KSR2: variants seen among roughly 807,000 people sequenced by gnomAD.
KSR2 encodes the protein kinase suppressor of ras 2.
A neutral mutation model predicts 107.8 loss-of-function variants in KSR2; 25 were observed. That is an observed-to-expected ratio of 0.23 (90% CI 0.17 to 0.32). The LOEUF is 0.32. KSR2 is among the 10% of genes least tolerant of loss of function. KSR2 has a pLI of 1.00. For synonymous variants in KSR2, 480 were observed against 507.0 expected (o/e 0.95, Z 0.71); for missense variants, 887 against 1,268.9 (o/e 0.70, Z 4.57).
At chr12:117,739,387 G>C (rs1466310520) in intron 4 of KSR2, among the ~76,000 whole-genome samples, 1 of 152,140 alleles carries the variant, frequency 6.6e-6, no homozygotes, top group Non-Finnish European at 1.5e-5. Flanking sequence ...AAAAAATAAA[G>C]TAATTGCACT....
At chr12:117,481,991 T>C (rs567544787) in intron 16 of KSR2, among the ~76,000 whole-genome samples, 10 of 152,254 alleles carry the variant, frequency 6.6e-5, no homozygotes, top group African/African-American at 1.7e-4. Context: ...GTGGTATTCA[T>C]AAATATTGAG....
At chr12:117,622,687 A>G (rs1048552296) in intron 5 of KSR2, among the ~76,000 whole-genome samples, 5 of 152,132 alleles carry the variant, frequency 3.3e-5, no homozygotes, top group African/African-American at 4.8e-5. Context: ...CTGTGCCATA[A>G]AGCTTCAATT....
In KSR2 at chr12:117,859,139, CTTTTTT is replaced by C. The variant is rs34697963; in HGVS notation, c.321+1146_321+1151del. Among the ~76,000 whole-genome samples the C allele has an allele frequency of 4.9e-5, 4 of 81,124 alleles. No individual in the cohort carries two copies. In the South Asian group the frequency reaches 1.2e-3, roughly 24 times the overall value. 53.2% of individuals were successfully genotyped at this position (81,124 alleles called of 152,430 possible). ...ATTTGGTGCCAGAATATGAGCTGAA[CTTTTTT>C]TTTTTTTTTTTTTTTTTTTGAGACA... On this transcript the variant is annotated intron_variant, in intron 2 of 19. Coordinates refer to ENST00000339824, the MANE Select transcript of KSR2 (RefSeq NM_173598.6).
At chr12:117,835,878 C>A (rs1484677031) in intron 3 of KSR2, among the ~76,000 whole-genome samples, 1 of 151,514 alleles carries the variant, frequency 6.6e-6, no homozygotes, top group African/African-American at 2.4e-5. Flanking sequence ...CTACTTGGGA[C>A]CTGAGATGTA....
intron 4 of KSR2, among the ~76,000 whole-genome samples, chr12:117,728,213 T>C (rs1488912320): frequency 6.6e-6 from 1 of 152,212 alleles, no homozygotes; most frequent in Non-Finnish European, 1.5e-5. Context: ...TACCTCAGCT[T>C]TTTAAGTGGT....
chr12:117,520,212 G>A (rs1592950708), intron 14 of KSR2, among the ~76,000 whole-genome samples: 1 of 152,166 alleles, frequency 6.6e-6, no homozygotes, highest in African/African-American at 2.4e-5. Context: ...TTTGGGCAAG[G>A]GCTCCCTCTG....
rs1288543251 is a variant in KSR2 at position 117,624,345 on chromosome 12, T to C, written c.1172-41986A>G. 8.5e-5 allele frequency among the ~76,000 whole-genome samples: 13 copies of C among 152,368 alleles called. No individual in the cohort carries two copies. In the East Asian group the frequency reaches 2.3e-3, roughly 27 times the overall value. ...ATTGCCTAGGTTTTCTTCTAGGGTT[T>C]TTATGGTTTTAGGTCTAACATTTAA... On this transcript the variant is annotated intron_variant, in intron 5 of 19. Transcript: ENST00000339824.
intron 4 of KSR2, among the ~76,000 whole-genome samples, chr12:117,718,867 T>A (rs1485578621): frequency 2.6e-5 from 4 of 152,186 alleles, no homozygotes; most frequent in African/African-American, 9.7e-5. Flanking sequence ...CATACCATCA[T>A]GAACATGGAG....
chr12:117,467,422 G>A (rs570229691), intron 19 of KSR2, among the ~76,000 whole-genome samples: 3 of 152,332 alleles, frequency 2.0e-5, no homozygotes, highest in East Asian at 3.9e-4. Context: ...AGATGAGCCT[G>A]CAATATAGGC....
chr12:117,469,319 G>A (rs1447316607), intron 19 of KSR2, among the ~76,000 whole-genome samples: 1 of 152,146 alleles, frequency 6.6e-6, no homozygotes, highest in Non-Finnish European at 1.5e-5. Context: ...TCGTGGAGGG[G>A]TACTCTGAAT....
At chr12:117,566,905 A>G (rs1878530557) in intron 7 of KSR2, among the ~76,000 whole-genome samples, 1 of 152,188 alleles carries the variant, frequency 6.6e-6, no homozygotes, top group Non-Finnish European at 1.5e-5. Flanking sequence ...CTTATAAATG[A>G]GCCCAGCTGG....
intron 1 of KSR2, among the ~76,000 whole-genome samples, chr12:117,959,816 C>G (rs1050350550): frequency 1.3e-5 from 2 of 151,662 alleles, no homozygotes; most frequent in Admixed American, 1.3e-4. Context: ...CTGCAGTCCC[C>G]GCTACTTGGG....
intron 4 of KSR2, among the ~76,000 whole-genome samples, chr12:117,729,735 TG>T (rs1272335762): frequency 1.3e-5 from 2 of 152,192 alleles, no homozygotes; most frequent in African/African-American, 4.8e-5. Context: ...AAACATTCAT[TG>T]AGCCTTTAAC....
At chr12:117,607,115 T>C (rs1881319281) in intron 5 of KSR2, among the ~76,000 whole-genome samples, 1 of 152,110 alleles carries the variant, frequency 6.6e-6, no homozygotes, top group South Asian at 2.1e-4. Context: ...GACAATGAGC[T>C]CTTCAAGGGC....
At chr12:117,600,865 G>GAAATGGTA (rs1378952166) in intron 5 of KSR2, among the ~76,000 whole-genome samples, 1 of 152,160 alleles carries the variant, frequency 6.6e-6, no homozygotes, top group Non-Finnish European at 1.5e-5. Flanking sequence ...TTGCAAGGAA[G>GAAATGGTA]AAATGGTAAA....
At chr12:117,928,818 A>C (rs1216175636) in intron 1 of KSR2, among the ~76,000 whole-genome samples, 1 of 152,132 alleles carries the variant, frequency 6.6e-6, no homozygotes, top group African/African-American at 2.4e-5. Flanking sequence ...ACATTTAATC[A>C]TTTCAACAAT....
chr12:117,859,327 G>T lies in KSR2; in HGVS notation c.321+964C>A, dbSNP rs186208188. On this transcript the variant is annotated intron_variant, in intron 2 of 19. Transcript: ENST00000339824. ...TGCCCGGCTAATTTTTGTACTTTCA[G>T]TAGAGACGGGGTTTTGCCATGTTGG... Among the ~76,000 whole-genome samples the T allele has an allele frequency of 6.2e-3, 949 of 151,864 alleles. 5 individuals carry two copies. The highest frequency in any genetic ancestry group is 0.02 in the Middle Eastern group (6 of 294).
At chr12:117,929,173 C>T (rs1169255698) in intron 1 of KSR2, among the ~76,000 whole-genome samples, 69 of 152,290 alleles carry the variant, frequency 4.5e-4, no homozygotes, top group African/African-American at 1.6e-3. Context: ...TAGGAATATA[C>T]TCTAGGATTT....
intron 5 of KSR2, among the ~76,000 whole-genome samples, chr12:117,624,349 TGGTTTTA>T (rs1443190591): frequency 6.6e-6 from 1 of 152,252 alleles, no homozygotes; most frequent in East Asian, 1.9e-4. Context: ...AGGGTTTTTA[TGGTTTTA>T]GGTCTAACAT....
Sources: gnomAD v4.1 joint callset for allele counts (sites outside exome capture counted in the v4.1 genomes callset) on GRCh38, gnomAD v4.1.1 for gene constraint, MANE v1.5 for transcripts, NCBI Gene and HGNC (gene_info 2026-07-23, HGNC 2026-07-21) for gene names.